The following MSRA variants were observed in gnomAD, a reference collection of about 807,000 sequenced individuals.
The protein encoded by MSRA is mitochondrial peptide methionine sulfoxide reductase.
A neutral mutation model predicts 31.3 loss-of-function variants in MSRA; 54 were observed. The ratio of observed to expected loss-of-function variants is 1.73; its 90% CI spans 1.39 to 2.17. The LOEUF (loss-of-function observed/expected upper bound fraction) is 2.17. Among genes scored for constraint, MSRA ranks in the 30% most tolerant of loss-of-function variants. MSRA has a pLI of 0.00. For missense variants in MSRA, 507 were observed against 300.9 expected, an observed-to-expected ratio of 1.69 and a Z score of -5.07; for synonymous variants, 169 against 116.5, an observed-to-expected ratio of 1.45 and a Z score of -2.90.
At chr8:10,205,190 C>T (rs956794540) in intron 1 of MSRA, among the ~76,000 whole-genome samples, 1 of 151,964 alleles carries the variant, frequency 6.6e-6, no homozygotes, top group Non-Finnish European at 1.5e-5. Flanking sequence ...ATTGTGGCTA[C>T]CTTGGGAAGA....
chr8:10,080,360 G>A (rs536790496), intron 1 of MSRA, among the ~76,000 whole-genome samples: 12 of 143,708 alleles, frequency 8.4e-5, no homozygotes, highest in African/African-American at 3.1e-4. Flanking sequence ...GACCAACCCT[G>A]TTTTCACTAT....
At chr8:10,236,364 G>A (rs919971825) in intron 2 of MSRA, among the ~76,000 whole-genome samples, 3 of 152,122 alleles carry the variant, frequency 2.0e-5, no homozygotes, top group Non-Finnish European at 4.4e-5. Flanking sequence ...ATGAGAAGGT[G>A]GAGTCAAACC....
chr8:10,207,852 C>T lies in MSRA; in HGVS notation c.162C>T (p.Gly54=), dbSNP rs1345534930. The T allele has an allele frequency of 1.7e-5, 28 of 1,610,394 alleles. No individual in the cohort carries two copies. The highest frequency in any genetic ancestry group is 2.4e-5 in the Non-Finnish European group (28 of 1,178,552). Residue 54 remains glycine, a synonymous_variant, in exon 2 of 6, where the codon GGC becomes GGT. Coordinates refer to ENST00000317173, the MANE Select transcript of MSRA (RefSeq NM_012331.5). ...TTCTAGCCAAACATCATGTCAATGG[C>T]AACAGAACAGTCGAACCTTTCCCAG... is the stretch of plus-strand genomic sequence containing the variant. ...TPVAAKHHVN[G]NRTVEPFPEG...
chr8:10,394,420 T>C (rs905820648), intron 5 of MSRA, among the ~76,000 whole-genome samples: 2 of 152,242 alleles, frequency 1.3e-5, no homozygotes, highest in African/African-American at 4.8e-5. Context: ...ATTAATGTTG[T>C]ATCAAAGATG....
intron 2 of MSRA, among the ~76,000 whole-genome samples, chr8:10,239,578 C>T (rs1294163590): frequency 1.3e-5 from 2 of 152,232 alleles, no homozygotes; most frequent in African/African-American, 2.4e-5. Context: ...ACGATTGTAC[C>T]TGGCAAACTC....
At chr8:10,285,339 A>AT (rs1314657863) in intron 3 of MSRA, among the ~76,000 whole-genome samples, 1 of 151,992 alleles carries the variant, frequency 6.6e-6, no homozygotes, top group Non-Finnish European at 1.5e-5. Flanking sequence ...CTTATTTTTT[A>AT]TTTTTTGGTT....
intron 5 of MSRA, among the ~76,000 whole-genome samples, chr8:10,352,159 A>G (rs1003542847): frequency 4.6e-5 from 7 of 152,198 alleles, no homozygotes; most frequent in Non-Finnish European, 1.0e-4. Flanking sequence ...GCAGGGGAAC[A>G]CGTCGTGAAC....
intron 1 of MSRA, among the ~76,000 whole-genome samples, chr8:10,055,875 C>T (rs996332878): frequency 1.3e-5 from 2 of 152,058 alleles, no homozygotes; most frequent in Admixed American, 6.5e-5. Context: ...TATTATTAAT[C>T]GAATTAGCAG....
chr8:10,229,750 AC>A (rs759417654), intron 2 of MSRA, among the ~76,000 whole-genome samples: 4 of 152,228 alleles, frequency 2.6e-5, no homozygotes, highest in Admixed American at 2.0e-4. Context: ...CTGAGGCCAC[AC>A]AGTAAGTGTT....
intron 1 of MSRA, among the ~76,000 whole-genome samples, chr8:10,156,361 T>G (rs6984070): frequency 0.25 from 37,351 of 151,918 alleles, 5,480 homozygotes; most frequent in East Asian, 0.5. Flanking sequence ...AGAGATGCCT[T>G]TTGGATTACT....
intron 4 of MSRA, among the ~76,000 whole-genome samples, chr8:10,317,110 C>T (rs1801769475): frequency 6.6e-6 from 1 of 152,172 alleles, no homozygotes; most frequent in South Asian, 2.1e-4. Context: ...CCAACATGGA[C>T]AGTCCTGCTA....
intron 3 of MSRA, among the ~76,000 whole-genome samples, chr8:10,290,880 C>T (rs1800196226): frequency 6.6e-6 from 1 of 152,160 alleles, no homozygotes; most frequent in African/African-American, 2.4e-5. Flanking sequence ...ATTGGTTTTG[C>T]CCATATCTTA....
intron 1 of MSRA, among the ~76,000 whole-genome samples, chr8:10,111,822 G>T (rs776677274): frequency 3.3e-5 from 5 of 152,146 alleles, no homozygotes; most frequent in Non-Finnish European, 5.9e-5. Context: ...GGTCACACAC[G>T]CTGTCTCATG....
intron 1 of MSRA, among the ~76,000 whole-genome samples, chr8:10,154,837 C>G (rs1563159689): frequency 6.6e-6 from 1 of 150,404 alleles, no homozygotes; most frequent in South Asian, 2.1e-4. Flanking sequence ...ATTTTTTTTT[C>G]TTGGAAATAG....
intron 5 of MSRA, among the ~76,000 whole-genome samples, chr8:10,424,202 T>G (rs549447215): frequency 3.3e-5 from 5 of 152,172 alleles, no homozygotes; most frequent in South Asian, 4.1e-4. Context: ...TCCTTGGAGA[T>G]CGTGTGCAAG....
At chr8:10,088,958 G>C (rs2128926461) in intron 1 of MSRA, among the ~76,000 whole-genome samples, 1 of 152,294 alleles carries the variant, frequency 6.6e-6, no homozygotes. Flanking sequence ...CACACGTAGA[G>C]AATAAAGCAG....
intron 3 of MSRA, among the ~76,000 whole-genome samples, chr8:10,264,087 G>T (rs942511591): frequency 6.6e-6 from 1 of 152,142 alleles, no homozygotes; most frequent in African/African-American, 2.4e-5. Flanking sequence ...AACAGAGGAA[G>T]CAGAGCCTTC....
intron 1 of MSRA, among the ~76,000 whole-genome samples, chr8:10,186,327 AC>A (rs1807052668): frequency 6.6e-6 from 1 of 152,156 alleles, no homozygotes; most frequent in South Asian, 2.1e-4. Context: ...TGTCACGATG[AC>A]TGCACTCTGC....
At chr8:10,125,667 C>G (rs554943718) in intron 1 of MSRA, among the ~76,000 whole-genome samples, 2 of 152,330 alleles carry the variant, frequency 1.3e-5, no homozygotes, top group Non-Finnish European at 2.9e-5. Context: ...GTGTTGGTAC[C>G]ACAGTCAGCC....
Sources: gnomAD v4.1 joint callset for allele counts (sites outside exome capture counted in the v4.1 genomes callset) on GRCh38, gnomAD v4.1.1 for gene constraint, MANE v1.5 for transcripts, NCBI Gene and HGNC (gene_info 2026-07-23, HGNC 2026-07-21) for gene names.